TACC2: variants seen among roughly 807,000 people sequenced by gnomAD.
The protein encoded by TACC2 is transforming acidic coiled-coil-containing protein 2.
In TACC2, 137 loss-of-function variants were observed where a neutral mutation model predicts 227.3. The ratio of observed to expected loss-of-function variants is 0.60; its 90% CI spans 0.52 to 0.69. The LOEUF is 0.69. Ranked by LOEUF, TACC2 falls within the 30% of genes least tolerant of loss-of-function variation. The pLI, the probability that TACC2 is intolerant of heterozygous loss-of-function variation, is 0.00. For missense variants in TACC2, 3,470 were observed against 3,694.4 expected (o/e 0.94, Z 1.57); for synonymous variants, 1,523 against 1,487.5 (o/e 1.02, Z -0.55).
chr10:122,179,552 C>T (rs886453801), intron 7 of TACC2, among the ~76,000 whole-genome samples: 19 of 152,260 alleles, frequency 1.2e-4, no homozygotes, highest in East Asian at 9.6e-4. Flanking sequence ...GACACAAACC[C>T]GGCCACTTCT....
chr10:122,076,047 A>G (rs1163965664), intron 3 of TACC2, among the ~76,000 whole-genome samples: 1 of 151,938 alleles, frequency 6.6e-6, no homozygotes, highest in Non-Finnish European at 1.5e-5. Context: ...TGGTCCGCCC[A>G]CCTCGGCCTC....
In TACC2 at chr10:122,083,163, T is replaced by A. The variant is rs754467303; in HGVS notation, c.663T>A (p.Gly221=). ...APLCGEGDQP[G]GFESQEKEAA... is the part of the protein sequence containing the mutation. ...TGTGTGGAGAGGGGGACCAGCCTGGTGGTTTTGAGTCCCAAGAGAAAGAGG... is the reference window on the plus strand; with the variant it reads ...TGTGTGGAGAGGGGGACCAGCCTGGAGGTTTTGAGTCCCAAGAGAAAGAGG... The change falls in exon 4 of 23, where the codon GGT becomes GGA. Residue 221 remains glycine, a synonymous_variant. Transcript: ENST00000369005. 1 of 1,612,974 alleles carries A rather than the reference T, an allele frequency of 6.2e-7. No homozygotes were observed. Among genetic ancestry groups the A allele is most frequent in the African/African-American group, 1.3e-5 (1 of 74,860 alleles).
intron 7 of TACC2, among the ~76,000 whole-genome samples, chr10:122,176,115 C>CTATA (rs1232356115): frequency 6.8e-3 from 322 of 47,144 alleles, no homozygotes; most frequent in Non-Finnish European, 9.3e-3. Context: ...CTCTCTCTCT[C>CTATA]TCTATATATA....
At position 122,086,382 on chromosome 10, in the gene TACC2, G is replaced by A; in HGVS notation, c.3882G>A (p.Leu1294=). The A allele has an allele frequency of 1.9e-6, 3 of 1,613,330 alleles. No individual in the cohort carries two copies. Among genetic ancestry groups the A allele is most frequent in the Non-Finnish European group, 2.5e-6 (3 of 1,179,880 alleles). ...TGTTTGCTGGCTCCCTCGCCCCCCT[G>A]TTGCAACCAGGAGCTGCAGGTGGGG... ...LKLFAGSLAP[L]LQPGAAGGEI... The change falls in exon 4 of 23, where the codon CTG becomes CTA. Residue 1294 remains leucine (L), a synonymous_variant. Coordinates refer to ENST00000369005, the MANE Select transcript of TACC2 (RefSeq NM_206862.4).
intron 7 of TACC2, among the ~76,000 whole-genome samples, chr10:122,155,019 G>A (rs1047556181): frequency 1.7e-4 from 26 of 152,360 alleles, no homozygotes; most frequent in African/African-American, 4.8e-4. Context: ...GCGGGCAGGC[G>A]TGGGAAGAAA....
chr10:122,111,928 G>T, intron 5 of TACC2, among the ~76,000 whole-genome samples: 1 of 140,662 alleles, frequency 7.1e-6, no homozygotes, highest in East Asian at 2.0e-4. Context: ...TGTGAACAAG[G>T]AATCTATTTA....
intron 1 of TACC2, among the ~76,000 whole-genome samples, chr10:122,002,443 G>A (rs917726489): frequency 7.2e-5 from 11 of 152,070 alleles, no homozygotes; most frequent in Non-Finnish European, 1.2e-4. Context: ...TTGTCTGTGT[G>A]TGTGTGTGCC....
At chr10:122,127,596 C>T (rs2087128603) in intron 5 of TACC2, among the ~76,000 whole-genome samples, 1 of 152,158 alleles carries the variant, frequency 6.6e-6, no homozygotes. Flanking sequence ...TGAAATCTGA[C>T]AGATTTTTTT....
At position 122,250,911 on chromosome 10, in the gene TACC2, CTTTTTTTT is replaced by C. The variant is rs56383359; in HGVS notation, c.8781+1266_8781+1273del. On this transcript the variant is annotated intron_variant, in intron 22 of 22. Coordinates refer to ENST00000369005, the MANE Select transcript of TACC2 (RefSeq NM_206862.4). The stretch of plus-strand genomic sequence containing the variant: ...CATATTACAGATCATTATTTTCATT[CTTTTTTTT>C]TTTTTTTTTTTTTTTTTTGAGGCAG... Among the ~76,000 whole-genome samples the C allele has an allele frequency of 6.5e-3, 307 of 47,522 alleles. 2 individuals carry two copies. The highest frequency in any genetic ancestry group is 0.023 in the African/African-American group (295 of 12,774). The allele number at this position is 47,522 out of a possible 152,430, so 31.2% of individuals were successfully genotyped here. A position where few individuals can be genotyped will look rare whatever the true frequency, so the allele number is the denominator to read the frequency against.
At chr10:122,199,353 G>C (rs890671709) in intron 8 of TACC2, among the ~76,000 whole-genome samples, 14 of 152,250 alleles carry the variant, frequency 9.2e-5, no homozygotes, top group African/African-American at 3.4e-4. Flanking sequence ...TGCCCAGCCT[G>C]GCTGCAGAGC....
intron 5 of TACC2, among the ~76,000 whole-genome samples, chr10:122,130,240 C>T (rs1372399432): frequency 2.0e-5 from 3 of 152,142 alleles, no homozygotes; most frequent in African/African-American, 4.8e-5. Flanking sequence ...AAGTGATCTG[C>T]CCACCTCGGC....
At chr10:122,251,543 T>A (rs1450864368) in intron 22 of TACC2, among the ~76,000 whole-genome samples, 1 of 152,086 alleles carries the variant, frequency 6.6e-6, no homozygotes, top group East Asian at 1.9e-4. Context: ...AAAATAAAGA[T>A]CATACTAGAA....
intron 3 of TACC2, among the ~76,000 whole-genome samples, chr10:122,067,322 G>C (rs1159090692): frequency 1.3e-5 from 2 of 152,056 alleles, no homozygotes; most frequent in Admixed American, 6.6e-5. Flanking sequence ...TTTCTAGGTA[G>C]GCAGTTTTTT....
intron 5 of TACC2, among the ~76,000 whole-genome samples, chr10:122,096,693 C>T (rs1226924365): frequency 9.2e-6 from 1 of 108,864 alleles, no homozygotes; most frequent in South Asian, 3.3e-4. Flanking sequence ...AAAACTCCGT[C>T]TCAAAAAAAA....
chr10:122,199,136 C>T (rs1226705453), intron 8 of TACC2, among the ~76,000 whole-genome samples: 2 of 152,226 alleles, frequency 1.3e-5, no homozygotes, highest in African/African-American at 4.8e-5. Flanking sequence ...CTGTGCCCTG[C>T]GTGCCTATAC....
At chr10:122,128,658 T>C (rs1254088090) in intron 5 of TACC2, among the ~76,000 whole-genome samples, 1 of 152,240 alleles carries the variant, frequency 6.6e-6, no homozygotes, top group African/African-American at 2.4e-5. Context: ...GAGTTATACA[T>C]GGAAGTTGTT....
At chr10:122,195,972 C>T (rs1041479005) in intron 8 of TACC2, among the ~76,000 whole-genome samples, 6 of 152,194 alleles carry the variant, frequency 3.9e-5, no homozygotes, top group Non-Finnish European at 7.3e-5. Context: ...ACAGCCTTCC[C>T]GTGTGATGAG....
intron 5 of TACC2, 196 bp downstream of exon 5, chr10:122,088,787 T>C: frequency 6.6e-7 from 1 of 1,503,858 alleles, no homozygotes; most frequent in South Asian, 1.2e-5. Context: ...GGAAAAGGGA[T>C]TGAATGAGTT....
At chr10:122,169,596 A>C (rs2093364822) in intron 7 of TACC2, among the ~76,000 whole-genome samples, 1 of 152,170 alleles carries the variant, frequency 6.6e-6, no homozygotes, top group Admixed American at 6.5e-5. Context: ...GGTTATACGG[A>C]TGATTGGTAC....
Sources: gnomAD v4.1 joint callset for allele counts (sites outside exome capture counted in the v4.1 genomes callset) on GRCh38, gnomAD v4.1.1 for gene constraint, MANE v1.5 for transcripts, NCBI Gene and HGNC (gene_info 2026-07-23, HGNC 2026-07-21) for gene names.